CD86: variants seen among roughly 807,000 people sequenced by gnomAD.
The protein encoded by CD86 is T-lymphocyte activation antigen CD86.
In CD86, 11 loss-of-function variants were observed where a neutral mutation model predicts 32.1. The ratio of observed to expected loss-of-function variants is 0.34; its 90% CI spans 0.22 to 0.57. The LOEUF is 0.57. Ranked by LOEUF, CD86 falls within the 20% of genes least tolerant of loss-of-function variation. CD86 has a pLI of 0.86. For missense variants in CD86, 359 were observed against 398.4 expected (o/e 0.90, Z 0.84); for synonymous variants, 137 against 135.3 (o/e 1.01, Z -0.09).
intron 1 of CD86, among the ~76,000 whole-genome samples, chr3:122,059,873 G>A (rs72965467): frequency 0.033 from 4,988 of 152,190 alleles, 256 homozygotes; most frequent in African/African-American, 0.11. Context: ...GCGGAAAAGC[G>A]GTGTGAAGAC....
intron 1 of CD86, among the ~76,000 whole-genome samples, chr3:122,074,363 T>G (rs185713966): frequency 1.6e-4 from 25 of 152,318 alleles, no homozygotes; most frequent in East Asian, 1.5e-3. Context: ...TCCATGGGCT[T>G]TCACAAAAGT....
chr3:122,056,181 C>T (rs1452395036), intron 1 of CD86, among the ~76,000 whole-genome samples: 1 of 152,070 alleles, frequency 6.6e-6, no homozygotes, highest in African/African-American at 2.4e-5. Flanking sequence ...TGCCCAAGTT[C>T]ACACTATTCA....
intron 2 of CD86, among the ~76,000 whole-genome samples, chr3:122,095,578 G>A (rs2072894963): frequency 6.6e-6 from 1 of 152,152 alleles, no homozygotes; most frequent in Non-Finnish European, 1.5e-5. Flanking sequence ...ATCTGCGTGG[G>A]TGGTTACTTT....
intron 5 of CD86, among the ~76,000 whole-genome samples, chr3:122,111,024 C>G (rs940313680): frequency 6.6e-6 from 1 of 152,110 alleles, no homozygotes; most frequent in African/African-American, 2.4e-5. Context: ...TGTGTGTTCA[C>G]ATGAGAGAAG....
At chr3:122,088,290 A>C (rs1031176235) in intron 1 of CD86, among the ~76,000 whole-genome samples, 1 of 151,592 alleles carries the variant, frequency 6.6e-6, no homozygotes, top group African/African-American at 2.4e-5. Flanking sequence ...ATCTTTTCAA[A>C]TGTATGAGAT....
intron 5 of CD86, among the ~76,000 whole-genome samples, chr3:122,116,317 A>G (rs2073249371): frequency 6.6e-6 from 1 of 152,214 alleles, no homozygotes; most frequent in South Asian, 2.1e-4. Context: ...CCATTTAATA[A>G]AAGGCAAGAA....
intron 1 of CD86, among the ~76,000 whole-genome samples, chr3:122,084,207 A>C (rs1409725457): frequency 1.3e-5 from 2 of 152,142 alleles, no homozygotes; most frequent in Non-Finnish European, 2.9e-5. Flanking sequence ...GGCTGGTCTC[A>C]AACTCCTGAC....
chr3:122,116,987 ACT>A (rs973931035), intron 5 of CD86, among the ~76,000 whole-genome samples: 3 of 152,096 alleles, frequency 2.0e-5, no homozygotes, highest in African/African-American at 7.2e-5. Flanking sequence ...AAATCACCAA[ACT>A]CTAAACTGAA....
At chr3:122,077,692 G>T (rs1237470667) in intron 1 of CD86, 1 of 845,762 alleles carries the variant, frequency 1.2e-6, no homozygotes, top group Admixed American at 6.2e-5. Context: ...TTGTGGATGG[G>T]GCTCCCTTTG....
intron 1 of CD86, among the ~76,000 whole-genome samples, chr3:122,090,694 C>T (rs1368162746): frequency 6.6e-6 from 1 of 152,096 alleles, no homozygotes; most frequent in African/African-American, 2.4e-5. Context: ...TCTTTGCTTC[C>T]TTATAAGCCA....
intron 1 of CD86, among the ~76,000 whole-genome samples, chr3:122,060,094 G>A (rs1165553242): frequency 6.6e-6 from 1 of 152,198 alleles, no homozygotes; most frequent in African/African-American, 2.4e-5. Context: ...CTTGGTGAGA[G>A]TGCATACAGC....
chr3:122,116,278 A>T (rs1466591380), intron 5 of CD86, among the ~76,000 whole-genome samples: 1 of 152,246 alleles, frequency 6.6e-6, no homozygotes, highest in African/African-American at 2.4e-5. Flanking sequence ...ATATAATTAC[A>T]TATTGCTACT....
At chr3:122,080,192 T>C (rs2107515695) in intron 1 of CD86, among the ~76,000 whole-genome samples, 1 of 152,252 alleles carries the variant, frequency 6.6e-6, no homozygotes, top group East Asian at 1.9e-4. Flanking sequence ...TTTTAGTGAG[T>C]TCTATGAGCC....
chr3:122,092,644 C>T (rs944792690), intron 2 of CD86, among the ~76,000 whole-genome samples: 57 of 152,258 alleles, frequency 3.7e-4, no homozygotes, highest in Admixed American at 3.2e-3. Flanking sequence ...CTCAGTGTCT[C>T]GTAGTTACTC....
At chr3:122,088,099 G>T (rs538434626) in intron 1 of CD86, among the ~76,000 whole-genome samples, 4 of 151,802 alleles carry the variant, frequency 2.6e-5, no homozygotes, top group Non-Finnish European at 5.9e-5. Context: ...ATTGTCTTTG[G>T]TTAGGTCGAA....
rs182944953 is a variant in CD86 at position 122,077,780 on chromosome 3, C to T, written c.15-13821C>T. 6.5e-5 allele frequency: 64 copies of T among 985,420 alleles called. No individual in the cohort carries two copies. In the East Asian group the frequency reaches 1.2e-3, roughly 19 times the overall value. 61.0% of individuals were successfully genotyped at this position (985,420 alleles called of 1,614,324 possible). On this transcript the variant is annotated intron_variant, in intron 1 of 6. Transcript: ENST00000330540. Reference sequence around the variant, plus strand: ...CTCATCAGTGGAAATGCCCACCTGCCGGCAGAAGTTATTTGGAACCAAGCA... The same window carrying T: ...CTCATCAGTGGAAATGCCCACCTGCTGGCAGAAGTTATTTGGAACCAAGCA...
In CD86 at chr3:122,106,433, C is replaced by T; in HGVS notation, c.636C>T (p.Ser212=). Residue 212 remains serine (S), a synonymous_variant, in exon 4 of 7, where the codon AGC becomes AGT. Transcript: ENST00000330540. ...CTGTTTCATTCCCTGATGTTACGAG[C>T]AATATGACCATCTTCTGTATTCTGG... ...SLSVSFPDVT[S]NMTIFCILET... is the part of the protein sequence containing the mutation. 2 of 1,613,974 alleles carry T rather than the reference C, an allele frequency of 1.2e-6. No individual in the cohort carries two copies. Among genetic ancestry groups the T allele is most frequent in the Non-Finnish European group, 1.7e-6 (2 of 1,179,864 alleles).
In CD86 at chr3:122,091,585, T is replaced by C. The variant is rs753093906; in HGVS notation, c.15-16T>C. 5.0e-6 allele frequency: 8 copies of C among 1,604,738 alleles called. No homozygotes were observed. In the African/African-American group the frequency reaches 1.1e-4, roughly 21 times the overall value. On this transcript the variant is annotated splice_polypyrimidine_tract_variant and intron_variant, in intron 1 of 6. Coordinates refer to ENST00000330540, the MANE Select transcript of CD86 (RefSeq NM_175862.5). ...CTTTTCTAATCAAGTTTTACCTTTT[T>C]TTTTCTCGACTCTAGCACTATGGGA...
At chr3:122,106,106 G>A in intron 3 of CD86, 92 bp from the exon 4 acceptor site, 1 of 972,758 alleles carries the variant, frequency 1.0e-6, no homozygotes, top group Non-Finnish European at 1.5e-6. Flanking sequence ...GTGCCCCAAT[G>A]AGCCCCAGAT....
Sources: gnomAD v4.1 joint callset for allele counts (sites outside exome capture counted in the v4.1 genomes callset) on GRCh38, gnomAD v4.1.1 for gene constraint, MANE v1.5 for transcripts, NCBI Gene and HGNC (gene_info 2026-07-23, HGNC 2026-07-21) for gene names.